The following SNRNP200 variants were observed in gnomAD, a reference collection of about 807,000 sequenced individuals.
SNRNP200 encodes U5 small nuclear ribonucleoprotein 200 kDa helicase.
Under a neutral mutation model 255.2 loss-of-function variants are expected in SNRNP200, and 66 were observed. The ratio of observed to expected loss-of-function variants is 0.26; its 90% CI spans 0.21 to 0.32. The LOEUF (loss-of-function observed/expected upper bound fraction) is 0.32. Ranked by LOEUF, SNRNP200 falls within the 10% of genes least tolerant of loss-of-function variation. The pLI is 1.00. For synonymous variants in SNRNP200, 939 were observed against 1,027.8 expected (o/e 0.91, Z 1.65); for missense variants, 1,585 against 2,749.8 (o/e 0.58, Z 9.47).
chr2:96,287,962 C>T lies in SNRNP200; in HGVS notation c.3266G>A (p.Gly1089Asp). The change falls in exon 25 of 45, where the codon GGC becomes GAC. Residue 1089 changes from glycine to aspartate, a missense_variant. Physicochemically the swap from Gly to Asp is moderately conservative, Grantham distance 94 (BLOSUM62 -1). Around this residue, in one of 9 missense-constraint regions of SNRNP200, gnomAD observed 719 missense variants for 1,091.1 expected, o/e 0.66. Transcript: ENST00000323853. The surrounding 1 kb of genome is among the most constrained non-coding windows in gnomAD (Gnocchi z 5.7). ...TTCAAATATCGCTCGCATCAACCGG[C>T]CAGCCGACTAAGCAAAGAAGCAGCA... Reference protein sequence around the residue: ...ADMVYVTQSAGRLMRAIFEIV... With the variant: ...ADMVYVTQSADRLMRAIFEIV... 1 of 1,614,192 alleles carries T rather than the reference C, an allele frequency of 6.2e-7. No individual in the cohort carries two copies.
intron 14 of SNRNP200, among the ~76,000 whole-genome samples, chr2:96,294,481 C>T (rs1296735123): frequency 5.3e-5 from 8 of 152,068 alleles, no homozygotes; most frequent in African/African-American, 1.7e-4. Flanking sequence ...CTTTGGCCCA[C>T]GCAGCCCCTA....
At chr2:96,275,633 G>C (rs941182388) in intron 43 of SNRNP200, among the ~76,000 whole-genome samples, 1 of 152,184 alleles carries the variant, frequency 6.6e-6, no homozygotes, top group Non-Finnish European at 1.5e-5. Flanking sequence ...ACTACTATTA[G>C]AGGTCTAGTC....
rs148878242 is a variant in SNRNP200 at position 96,289,301 on chromosome 2, G to A, written c.3019C>T (p.Pro1007Ser). 1 of 1,614,052 alleles carries A rather than the reference G, an allele frequency of 6.2e-7. No homozygotes were observed. Among genetic ancestry groups the A allele is most frequent in the African/African-American group, 1.3e-5 (1 of 74,914 alleles). Residue 1007 changes from proline to serine, a missense_variant, in exon 22 of 45, where the codon CCC becomes TCC. Transcript: ENST00000323853. ...TVQTYNQLLK[P>S]TLSEIELFRV... ...AAAAGCTCAATCTCACTCAGGGTGGGCTTCAGCAGCTGGTTGTAAGTCTGC... is the reference window on the plus strand; with the variant it reads ...AAAAGCTCAATCTCACTCAGGGTGGACTTCAGCAGCTGGTTGTAAGTCTGC...
Position 96,286,462 on chromosome 2 carries a change from G to A in SNRNP200, c.3852C>T (p.Val1284=). 2 of 1,614,166 alleles carry A rather than the reference G, an allele frequency of 1.2e-6. No individual in the cohort carries two copies. The highest frequency in any genetic ancestry group is 1.3e-5 in the African/African-American group (1 of 75,056). ...CCGGCAAGATCAGGTGCCGGAAGGA[G>A]ACAGGCAGCTGGGTCTCACAAGCTG... The part of the protein sequence containing the change: ...RWLSCETQLP[V]SFRHLILPEK... The change falls in exon 29 of 45, where the codon GTC becomes GTT. Residue 1284 remains valine, a synonymous_variant. Coordinates refer to ENST00000323853, the MANE Select transcript of SNRNP200 (RefSeq NM_014014.5). The surrounding 1 kb of genome is among the most constrained non-coding windows in gnomAD (Gnocchi z 4.8).
rs2063894653 is a variant in SNRNP200 at position 96,293,263 on chromosome 2, A to G, written c.2036+53T>C. 3.1e-6 allele frequency: 5 copies of G among 1,592,938 alleles called. No individual in the cohort carries two copies. The African/African-American group carries it at 5.4e-5, about 17-fold the overall frequency. On this transcript the variant is annotated intron_variant, in intron 15 of 44. Transcript: ENST00000323853. ...CCAGTAGCACTCCTTGGAAAAGAGGAAAGAGAGCAGGATGGTCACCTTGGC... is the reference window on the plus strand; with the variant it reads ...CCAGTAGCACTCCTTGGAAAAGAGGGAAGAGAGCAGGATGGTCACCTTGGC...
intron 35 of SNRNP200, 151 bp from the exon 36 acceptor site, chr2:96,279,710 C>T: frequency 3.0e-6 from 2 of 670,552 alleles, no homozygotes; most frequent in Admixed American, 4.1e-5. Context: ...AATCTCTGCA[C>T]TTACAACTAG....
rs1684723595 is a variant in SNRNP200, at chr2:96,279,459, A to T, written c.5125T>A (p.Ser1709Thr). ...ATGAGTCTAGGACTGACCTTCTTGG[A>T]GCCCTGACACATGATGACACAGCGC... ...EGRCVIMCQG[S>T]KKDFFKKFLY... Residue 1709 changes from serine (S) to threonine (T), a missense_variant, in exon 36 of 45, where the codon TCC (serine) becomes ACC (threonine). Physicochemically the swap from Ser to Thr is moderately conservative, Grantham distance 58 (BLOSUM62 1). Transcript: ENST00000323853. The T allele has an allele frequency of 6.2e-7, 1 of 1,612,604 alleles. No homozygotes were observed. Among genetic ancestry groups the T allele is most frequent in the Non-Finnish European group, 8.5e-7 (1 of 1,178,586 alleles).
At chr2:96,295,362 G>T in intron 14 of SNRNP200, 126 bp downstream of exon 14, 1 of 1,467,964 alleles carries the variant, frequency 6.8e-7, no homozygotes, top group Non-Finnish European at 9.5e-7. Context: ...CTACGGAATT[G>T]GAGGACTAGT....
chr2:96,304,558 T>G, intron 2 of SNRNP200, 147 bp downstream of exon 2: 1 of 1,119,610 alleles, frequency 8.9e-7, no homozygotes, highest in African/African-American at 1.5e-5. Context: ...AAAAAATCTT[T>G]AAACTCTCCT....
At chr2:96,302,047 G>C (rs1472407567) in intron 3 of SNRNP200, among the ~76,000 whole-genome samples, 1 of 152,134 alleles carries the variant, frequency 6.6e-6, no homozygotes, top group Non-Finnish European at 1.5e-5. Flanking sequence ...CCTCAACAGA[G>C]CTCCTCAGAC....
Position 96,297,082 on chromosome 2 carries a change from G to C in SNRNP200, c.1378-12C>G, listed in dbSNP as rs779516764. On this transcript the variant is annotated splice_polypyrimidine_tract_variant and intron_variant, in intron 11 of 44. Coordinates refer to ENST00000323853, the MANE Select transcript of SNRNP200 (RefSeq NM_014014.5). ...ACTGGAAGCAGTTGCTAGAAGAAAA[G>C]AAGTGCCATCAATATCATGTTGGCA... The C allele has an allele frequency of 6.2e-7, 1 of 1,614,072 alleles. No homozygotes were observed.
intron 35 of SNRNP200, among the ~76,000 whole-genome samples, chr2:96,280,234 C>T (rs1439258847): frequency 1.3e-5 from 2 of 152,208 alleles, no homozygotes; most frequent in East Asian, 1.9e-4. Flanking sequence ...CTATAACTCA[C>T]ACCTGTAATC....
Position 96,278,731 on chromosome 2 carries a change from G to C in SNRNP200, c.5324-20C>G. ...AGATGCCTATGGAGGCGAGAGGTGA[G>C]TGGGGAGCCTCAAGAAGATGCCCAG... On this transcript the variant is annotated intron_variant, in intron 37 of 44. Coordinates refer to ENST00000323853, the MANE Select transcript of SNRNP200 (RefSeq NM_014014.5). This position sits in a 1 kb window ranked among gnomAD's most constrained non-coding sequence, Gnocchi z 6.9. 6.2e-7 allele frequency: 1 copy of C among 1,614,224 alleles called. No homozygotes were observed. Among genetic ancestry groups the C allele is most frequent in the South Asian group, 1.1e-5 (1 of 91,084 alleles).
rs369841550 is a variant in SNRNP200, at chr2:96,291,530, C to T, written c.2311-28G>A. ...GTGGAACAAAGAACCGGGGATGAGGCGAGCCTTCCTGTAGGACTCATCCAA... is the reference window on the plus strand; with the variant it reads ...GTGGAACAAAGAACCGGGGATGAGGTGAGCCTTCCTGTAGGACTCATCCAA... On this transcript the variant is annotated intron_variant, in intron 17 of 44. Coordinates refer to ENST00000323853, the MANE Select transcript of SNRNP200 (RefSeq NM_014014.5). This position sits in a 1 kb window ranked among gnomAD's most constrained non-coding sequence, Gnocchi z 4.2. 40 of 1,476,494 alleles carry T rather than the reference C, an allele frequency of 2.7e-5. 1 individual carries two copies. Among genetic ancestry groups the T allele is most frequent in the South Asian group, 2.4e-4 (21 of 88,410 alleles). The allele number at this position is 1,476,494 out of a possible 1,614,324, so 91.5% of individuals were successfully genotyped here.
In SNRNP200 at chr2:96,298,347, A is replaced by T; in HGVS notation, c.1056T>A (p.Ala352=). 6.2e-7 allele frequency: 1 copy of T among 1,614,238 alleles called. No homozygotes were observed. The highest frequency in any genetic ancestry group is 8.5e-7 in the Non-Finnish European group (1 of 1,180,052). ...EKERIMGKME[A]DPELSKFLYQ... ...AGAGGAACTTGGATAGCTCTGGGTC[A>T]GCTTCCATCTTTCCCATAATCCTTT... Residue 352 remains alanine, a synonymous_variant, in exon 9 of 45, where the codon GCT becomes GCA. Coordinates refer to ENST00000323853, the MANE Select transcript of SNRNP200 (RefSeq NM_014014.5).
chr2:96,299,423 C>G lies in SNRNP200; in HGVS notation c.635G>C (p.Gly212Ala). Reference protein sequence around the residue: ...NVQFESDEEEGDEDVYGEVRE... With the variant: ...NVQFESDEEEADEDVYGEVRE... ...AACCTCCCCGTATACGTCTTCATCA[C>G]CTTCCTGTGGAAATGACCCCAACTC... Residue 212 changes from glycine (G) to alanine (A), a missense_variant, in exon 6 of 45, where the codon GGT becomes GCT. By Grantham distance (60) the Gly-to-Ala change is moderately conservative. Around this residue, in one of 9 missense-constraint regions of SNRNP200, gnomAD observed 383 missense variants for 645.3 expected, o/e 0.59. Transcript: ENST00000323853. The G allele has an allele frequency of 6.2e-7, 1 of 1,613,678 alleles. No individual in the cohort carries two copies. Among genetic ancestry groups the G allele is most frequent in the Non-Finnish European group, 8.5e-7 (1 of 1,179,642 alleles).
chr2:96,284,594 C>A lies in SNRNP200; in HGVS notation c.4165-9G>T, dbSNP rs376605359. 1 of 1,602,044 alleles carries A rather than the reference C, an allele frequency of 6.2e-7. No homozygotes were observed. The highest frequency in any genetic ancestry group is 2.2e-5 in the East Asian group (1 of 44,838). On this transcript the variant is annotated splice_polypyrimidine_tract_variant and intron_variant, in intron 30 of 44. Transcript: ENST00000323853. ...TACCAGTCCATGTATACCTGGCGGG[C>A]AGAGGAGGGAGGCAGAACAACACTA...
intron 5 of SNRNP200, among the ~76,000 whole-genome samples, chr2:96,300,477 G>C (rs1483327400): frequency 2.6e-5 from 4 of 151,974 alleles, no homozygotes; most frequent in African/African-American, 7.2e-5. Context: ...TAATTATATT[G>C]TGGCCGGGCG....
rs1418524690 is a variant in SNRNP200, at chr2:96,286,185, G to A, written c.4003+126C>T. On this transcript the variant is annotated intron_variant, in intron 29 of 44. Coordinates refer to ENST00000323853, the MANE Select transcript of SNRNP200 (RefSeq NM_014014.5). This position sits in a 1 kb window ranked among gnomAD's most constrained non-coding sequence, Gnocchi z 4.8. Reference sequence around the variant, plus strand: ...AAGGAAAAAGTCCTGGTGGGTCCCAGCGGTCACACTGAGGAGCTCCCAGAC... The same window carrying A: ...AAGGAAAAAGTCCTGGTGGGTCCCAACGGTCACACTGAGGAGCTCCCAGAC... 2 of 922,768 alleles carry A rather than the reference G, an allele frequency of 2.2e-6. No homozygotes were observed. The highest frequency in any genetic ancestry group is 3.6e-6 in the Non-Finnish European group (2 of 556,218). The allele number at this position is 922,768 out of a possible 1,614,324, so 57.2% of individuals were successfully genotyped here. A position where few individuals can be genotyped will look rare whatever the true frequency, so the allele number is the denominator to read the frequency against.
Sources: gnomAD v4.1 joint callset for allele counts (sites outside exome capture counted in the v4.1 genomes callset) on GRCh38, gnomAD v4.1.1 for gene constraint, gnomAD v4.1.1 regional missense constraint, Gnocchi (gnomAD v3.1) non-coding constraint, MANE v1.5 for transcripts, NCBI Gene and HGNC (gene_info 2026-07-23, HGNC 2026-07-21) for gene names.